KDM3A: variants seen among roughly 807,000 people sequenced by gnomAD.
The protein encoded by KDM3A is lysine-specific demethylase 3A.
A neutral mutation model predicts 158.0 loss-of-function variants in KDM3A; 60 were observed. The ratio of observed to expected loss-of-function variants is 0.38; its 90% CI spans 0.31 to 0.47. The LOEUF (loss-of-function observed/expected upper bound fraction) is 0.47. Among genes scored for constraint, KDM3A ranks in the 20% least tolerant of loss-of-function variants. The probability of loss-of-function intolerance (pLI) is 0.99; values close to 1 mark genes in which losing one functional copy is unlikely to be tolerated. For synonymous variants in KDM3A, 608 were observed against 549.3 expected (o/e 1.11, Z -1.49); for missense variants, 1,319 against 1,574.3 (o/e 0.84, Z 2.74).
intron 4 of KDM3A, 88 bp from the exon 5 acceptor site, chr2:86,454,997 A>G: frequency 1.4e-6 from 1 of 716,540 alleles, no homozygotes; most frequent in East Asian, 2.8e-5. Flanking sequence ...AACCCATTTG[A>G]TTAACCAATT....
intron 12 of KDM3A, among the ~76,000 whole-genome samples, chr2:86,475,386 G>C (rs899656135): frequency 6.6e-6 from 1 of 152,206 alleles, no homozygotes; most frequent in African/African-American, 2.4e-5. Flanking sequence ...TACCGAGTTA[G>C]AGTCTGCAGG....
chr2:86,442,173 C>G lies in KDM3A; in HGVS notation c.126C>G (p.Pro42=), dbSNP rs774584530. The change falls in exon 2 of 26, where the codon CCC becomes CCG. Residue 42 remains proline (P), a synonymous_variant. Transcript: ENST00000312912. The stretch of plus-strand genomic sequence containing the variant: ...ACGTGGAGCGCGTCGCCGAGTGGCC[C>G]TGGCTCTCCGGGACCATTCGAGCTG... The part of the protein sequence containing the change: ...SWDVERVAEW[P]WLSGTIRAVS... 2 of 1,614,080 alleles carry G rather than the reference C, an allele frequency of 1.2e-6. No homozygotes were observed.
chr2:86,492,090 G>A lies in KDM3A; in HGVS notation c.3937G>A (p.Ala1313Thr), dbSNP rs1205926824. The A allele has an allele frequency of 1.9e-6, 3 of 1,613,600 alleles. No individual in the cohort carries two copies. Among genetic ancestry groups the A allele is most frequent in the Non-Finnish European group, 1.7e-6 (2 of 1,179,662 alleles). ...AVKDAVAMLKASESSFGKP is the reference protein window; with the variant it reads ...AVKDAVAMLKTSESSFGKP ...GAAAGATGCAGTTGCTATGCTGAAAGCCAGTGAATCCAGTTTTGGCAAACC... is the reference window on the plus strand; with the variant it reads ...GAAAGATGCAGTTGCTATGCTGAAAACCAGTGAATCCAGTTTTGGCAAACC... Residue 1313 changes from alanine (A) to threonine (T), a missense_variant, in exon 26 of 26, where the codon GCC (alanine) becomes ACC (threonine). Ala to Thr is a moderately conservative substitution (Grantham distance 58). Transcript: ENST00000312912.
rs763685459 is a variant in KDM3A at position 86,466,361 on chromosome 2, A to G, written c.1008-11A>G. ...GGCCTGGATGCTAGCTTTCTATATT[A>G]TATTTTTCAGATGTCATAAACAAAG... On this transcript the variant is annotated splice_polypyrimidine_tract_variant and intron_variant, in intron 9 of 25. Coordinates refer to ENST00000312912, the MANE Select transcript of KDM3A (RefSeq NM_018433.6). 1.0e-5 allele frequency: 16 copies of G among 1,598,170 alleles called. No individual in the cohort carries two copies. The highest frequency in any genetic ancestry group is 2.2e-5 in the South Asian group (2 of 88,930).
intron 14 of KDM3A, 134 bp downstream of exon 14, chr2:86,478,399 T>C: frequency 1.2e-6 from 1 of 833,806 alleles, no homozygotes; most frequent in Non-Finnish European, 1.9e-6. Flanking sequence ...ATATATTAGA[T>C]AATTCCTCCA....
chr2:86,464,306 G>GATA, intron 9 of KDM3A, 90 bp downstream of exon 9: 1 of 1,013,966 alleles, frequency 9.9e-7, no homozygotes, highest in Non-Finnish European at 1.4e-6. Context: ...GTTGTCCAGG[G>GATA]AGGTTTTTCG....
chr2:86,475,247 ACAGCCT>A, intron 12 of KDM3A, among the ~76,000 whole-genome samples: 1 of 152,276 alleles, frequency 6.6e-6, no homozygotes, highest in East Asian at 1.9e-4. Flanking sequence ...TGGAATTTGC[ACAGCCT>A]CACCAGCAGT....
At chr2:86,478,089 TG>T in intron 13 of KDM3A, 60 bp downstream of exon 13, 2 of 1,611,228 alleles carry the variant, frequency 1.2e-6, no homozygotes, top group Non-Finnish European at 1.7e-6. Context: ...GTGTTTTTGT[TG>T]ATTTGTGTTT....
At position 86,445,419 on chromosome 2, in the gene KDM3A, T is replaced by A. The variant is rs190027845; in HGVS notation, c.186+3186T>A. On this transcript the variant is annotated intron_variant, in intron 2 of 25. Coordinates refer to ENST00000312912, the MANE Select transcript of KDM3A (RefSeq NM_018433.6). ...ATGAAATGAGTTGCTTCCTAGCTGA[T>A]TTTGTTCACATAATTATGCGTGGTG... Among the ~76,000 whole-genome samples, 15 of 152,332 alleles carry A rather than the reference T, an allele frequency of 9.8e-5. No homozygotes were observed. In the East Asian group the frequency reaches 2.1e-3, roughly 22 times the overall value.
chr2:86,477,768 T>G, intron 12 of KDM3A, 109 bp from the exon 13 acceptor site: 1 of 1,060,842 alleles, frequency 9.4e-7, no homozygotes, highest in Non-Finnish European at 1.4e-6. Context: ...CTGAACAAAG[T>G]TAATTTGAAG....
chr2:86,452,858 T>G (rs916886547), intron 4 of KDM3A, among the ~76,000 whole-genome samples: 5 of 152,170 alleles, frequency 3.3e-5, no homozygotes, highest in Admixed American at 2.0e-4. Context: ...TTTATAATGT[T>G]TAAGTAATGG....
intron 4 of KDM3A, among the ~76,000 whole-genome samples, chr2:86,452,024 G>C (rs531063577): frequency 1.2e-4 from 19 of 152,106 alleles, no homozygotes; most frequent in Non-Finnish European, 2.5e-4. Flanking sequence ...ATCAATACTT[G>C]TGGTGGTTCA....
chr2:86,470,366 A>G lies in KDM3A; in HGVS notation c.1682A>G (p.Gln561Arg). Residue 561 changes from glutamine (Q) to arginine (R), a missense_variant, in exon 11 of 26, where the codon CAG becomes CGG. By Grantham distance (43) the Gln-to-Arg change is conservative (BLOSUM62 1). Transcript: ENST00000312912. The stretch of plus-strand genomic sequence containing the variant: ...AGTCTCCGCAAGGATAAGGAGCAAC[A>G]GAAGGACTCACCTGTGTTTTGCCGC... ...LDSLRKDKEQ[Q>R]KDSPVFCRFF... 1 of 1,614,120 alleles carries G rather than the reference A, an allele frequency of 6.2e-7. No individual in the cohort carries two copies. The highest frequency in any genetic ancestry group is 8.5e-7 in the Non-Finnish European group (1 of 1,179,962).
chr2:86,485,049 G>A lies in KDM3A; in HGVS notation c.3182+20G>A. The A allele has an allele frequency of 7.4e-7, 1 of 1,347,442 alleles. No homozygotes were observed. The highest frequency in any genetic ancestry group is 1.1e-6 in the Non-Finnish European group (1 of 938,538). The allele number at this position is 1,347,442 out of a possible 1,614,324, so 83.5% of individuals were successfully genotyped here. ...TTCCAGGTATGATTATGAAGGTGGG[G>A]AGAGATGATTCTGTCCTTCACTTGG... is the stretch of plus-strand genomic sequence containing the variant. On this transcript the variant is annotated intron_variant, in intron 20 of 25. Transcript: ENST00000312912.
intron 4 of KDM3A, among the ~76,000 whole-genome samples, chr2:86,454,357 G>A (rs1487162575): frequency 6.6e-6 from 1 of 152,174 alleles, no homozygotes. Flanking sequence ...CTCATCCCCA[G>A]GGTGGCCACT....
Position 86,489,518 on chromosome 2 carries a change from A to G in KDM3A, c.3434-2A>G. ...GATATCTGCTTTCTCTTCTTGCTCT[A>G]GAAGTCCTTAAGACCATCCAAGATG... On this transcript the variant is annotated splice_acceptor_variant, in intron 22 of 25. Transcript: ENST00000312912. LOFTEE classifies it high-confidence loss of function. 3 of 1,612,200 alleles carry G rather than the reference A, an allele frequency of 1.9e-6. No homozygotes were observed. The highest frequency in any genetic ancestry group is 2.5e-6 in the Non-Finnish European group (3 of 1,179,250).
chr2:86,478,408 C>A, intron 14 of KDM3A, 143 bp downstream of exon 14: 1 of 834,188 alleles, frequency 1.2e-6, no homozygotes. Flanking sequence ...ATAATTCCTC[C>A]AACACTTTTC....
chr2:86,461,674 G>A (rs1472706935), intron 8 of KDM3A, among the ~76,000 whole-genome samples: 1 of 152,172 alleles, frequency 6.6e-6, no homozygotes, highest in Non-Finnish European at 1.5e-5. Context: ...AGTAAGGGAC[G>A]GCTTTTGGGA....
At chr2:86,471,562 C>T (rs1003901761) in intron 11 of KDM3A, among the ~76,000 whole-genome samples, 2 of 152,110 alleles carry the variant, frequency 1.3e-5, no homozygotes, top group Admixed American at 1.3e-4. Context: ...TAACTCTAAT[C>T]ATAAACAGAA....
Sources: gnomAD v4.1 joint callset for allele counts (sites outside exome capture counted in the v4.1 genomes callset) on GRCh38, gnomAD v4.1.1 for gene constraint, MANE v1.5 for transcripts, NCBI Gene and HGNC (gene_info 2026-07-23, HGNC 2026-07-21) for gene names.